Variants in RAD23B observed in about 807,000 individuals in gnomAD.
RAD23B encodes RAD23 nucleotide excision repair protein B.
A neutral mutation model predicts 49.1 loss-of-function variants in RAD23B; 5 were observed. The observed-to-expected ratio is 0.10, with a 90% CI of 0.05 to 0.21. The LOEUF is 0.21. Ranked by LOEUF, RAD23B falls within the 10% of genes least tolerant of loss-of-function variation. The probability of loss-of-function intolerance (pLI) is 1.00; values close to 1 mark genes in which losing one functional copy is unlikely to be tolerated. For synonymous variants in RAD23B, 184 were observed against 165.4 expected (o/e 1.11, Z -0.86); for missense variants, 356 against 486.7 (o/e 0.73, Z 2.53).
chr9:107,325,648 T>G (rs1234311866), intron 9 of RAD23B, among the ~76,000 whole-genome samples: 1 of 152,222 alleles, frequency 6.6e-6, no homozygotes, highest in Non-Finnish European at 1.5e-5. Flanking sequence ...TGTGCATGTG[T>G]TCATTAGGAT....
intron 1 of RAD23B, among the ~76,000 whole-genome samples, chr9:107,289,765 C>T (rs1274537175): frequency 3.9e-5 from 6 of 152,298 alleles, no homozygotes; most frequent in South Asian, 4.1e-4. Context: ...TATGAAAGTA[C>T]TAACTTATTG....
At position 107,292,676 on chromosome 9, in the gene RAD23B, C is replaced by CA. The variant is rs3056493; in HGVS notation, c.67-7443dup. Among the ~76,000 whole-genome samples, 184 of 82,750 alleles carry CA rather than the reference C, an allele frequency of 2.2e-3. 1 individual carries two copies. Among genetic ancestry groups the CA allele is most frequent in the African/African-American group, 5.0e-3 (107 of 21,194 alleles). 54.3% of individuals were successfully genotyped at this position (82,750 alleles called of 152,430 possible). On this transcript the variant is annotated intron_variant, in intron 1 of 9. Transcript: ENST00000358015. ...GCCTGGTGACAGAGCGAGACTCTGT[C>CA]AAAAAAAAAAAAAAAAAAAAAAGCC... is the stretch of plus-strand genomic sequence containing the variant.
chr9:107,323,835 A>T, intron 7 of RAD23B, 55 bp from the exon 8 acceptor site: 2 of 1,478,454 alleles, frequency 1.4e-6, no homozygotes, highest in Non-Finnish European at 1.9e-6. Flanking sequence ...TTATTTAACC[A>T]CTGTTTGTGT....
intron 7 of RAD23B, among the ~76,000 whole-genome samples, chr9:107,322,604 A>C (rs778845018): frequency 6.6e-6 from 1 of 152,190 alleles, no homozygotes; most frequent in Non-Finnish European, 1.5e-5. Context: ...GGTGCTGACC[A>C]TACCCCACAC....
At chr9:107,296,457 T>C (rs1564241839) in intron 1 of RAD23B, among the ~76,000 whole-genome samples, 1 of 152,256 alleles carries the variant, frequency 6.6e-6, no homozygotes, top group Non-Finnish European at 1.5e-5. Context: ...TGGTTACTAA[T>C]GAGGTTGAGC....
chr9:107,300,203 T>C lies in RAD23B; in HGVS notation c.129T>C (p.Gly43=), dbSNP rs1564243343. The change falls in exon 2 of 10, where the codon GGT becomes GGC. Residue 43 remains glycine (G), a synonymous_variant. Transcript: ENST00000358015. ...GGAAAGATGCCTTTCCAGTAGCAGG[T>C]CAAAAATTAATTTATGCAGGTATGA... The part of the protein sequence containing the change: ...EKGKDAFPVA[G]QKLIYAGKIL... 2 of 1,608,534 alleles carry C rather than the reference T, an allele frequency of 1.2e-6. No homozygotes were observed. Among genetic ancestry groups the C allele is most frequent in the Non-Finnish European group, 1.7e-6 (2 of 1,177,354 alleles).
intron 3 of RAD23B, among the ~76,000 whole-genome samples, chr9:107,302,812 C>A (rs566692711): frequency 1.3e-5 from 2 of 151,928 alleles, no homozygotes; most frequent in Non-Finnish European, 2.9e-5. Flanking sequence ...CATGCCACCA[C>A]GCCCGGCTAA....
At chr9:107,327,350 T>C (rs1479945647) in intron 9 of RAD23B, among the ~76,000 whole-genome samples, 1 of 152,162 alleles carries the variant, frequency 6.6e-6, no homozygotes, top group African/African-American at 2.4e-5. Context: ...GTTCTTTGTT[T>C]AGTTTTAGTT....
intron 1 of RAD23B, chr9:107,285,030 C>T: frequency 1.8e-6 from 2 of 1,129,742 alleles, no homozygotes; most frequent in South Asian, 1.5e-5. Flanking sequence ...TTTTGTACAT[C>T]TTTAATTTTT....
chr9:107,302,801 G>A (rs890788305), intron 3 of RAD23B, among the ~76,000 whole-genome samples: 4 of 151,904 alleles, frequency 2.6e-5, no homozygotes, highest in South Asian at 4.2e-4. Context: ...GACTACAGGC[G>A]CATGCCACCA....
intron 9 of RAD23B, among the ~76,000 whole-genome samples, chr9:107,326,931 A>C: frequency 6.6e-6 from 1 of 151,716 alleles, no homozygotes; most frequent in East Asian, 1.9e-4. Context: ...GAGCCACTGC[A>C]CCCGGCCAAC....
chr9:107,315,470 T>C (rs531235511), intron 5 of RAD23B, among the ~76,000 whole-genome samples: 1 of 152,312 alleles, frequency 6.6e-6, no homozygotes, highest in East Asian at 1.9e-4. Context: ...TTTTGCCTCA[T>C]TACTCTGTTT....
intron 8 of RAD23B, among the ~76,000 whole-genome samples, chr9:107,324,337 A>G (rs1457157875): frequency 2.0e-5 from 3 of 152,202 alleles, no homozygotes; most frequent in Admixed American, 6.5e-5. Flanking sequence ...CTAACTTTAA[A>G]TCACTTTTCA....
At chr9:107,296,778 G>A (rs527458541) in intron 1 of RAD23B, among the ~76,000 whole-genome samples, 3 of 151,572 alleles carry the variant, frequency 2.0e-5, no homozygotes, top group African/African-American at 4.8e-5. Flanking sequence ...CAAATGATCC[G>A]CCCACTTCGG....
At chr9:107,317,254 G>A (rs1318977981) in intron 5 of RAD23B, among the ~76,000 whole-genome samples, 2 of 152,160 alleles carry the variant, frequency 1.3e-5, no homozygotes, top group African/African-American at 4.8e-5. Context: ...GAAGAGATGG[G>A]TTTGGGGTGT....
intron 1 of RAD23B, among the ~76,000 whole-genome samples, chr9:107,295,638 T>G (rs1048700043): frequency 4.6e-5 from 7 of 152,186 alleles, no homozygotes; most frequent in African/African-American, 1.7e-4. Context: ...ATTTGAGATA[T>G]TCTTTTGGAG....
At chr9:107,295,900 A>T (rs1826504259) in intron 1 of RAD23B, among the ~76,000 whole-genome samples, 1 of 152,038 alleles carries the variant, frequency 6.6e-6, no homozygotes, top group South Asian at 2.1e-4. Flanking sequence ...AAAGACAAGG[A>T]AGTTTTTGAT....
intron 5 of RAD23B, among the ~76,000 whole-genome samples, chr9:107,315,982 G>A (rs1028301368): frequency 3.4e-4 from 52 of 151,744 alleles, no homozygotes; most frequent in African/African-American, 1.1e-3. Flanking sequence ...GCCTGTGTTT[G>A]TATCTCTGCA....
intron 2 of RAD23B, among the ~76,000 whole-genome samples, chr9:107,301,530 G>C (rs1031467743): frequency 6.6e-6 from 1 of 151,938 alleles, no homozygotes; most frequent in Admixed American, 6.6e-5. Context: ...TTAGTCAAAT[G>C]CTTATGCTTT....
Sources: gnomAD v4.1 joint callset for allele counts (sites outside exome capture counted in the v4.1 genomes callset) on GRCh38, gnomAD v4.1.1 for gene constraint, MANE v1.5 for transcripts, NCBI Gene and HGNC (gene_info 2026-07-23, HGNC 2026-07-21) for gene names.